The following CHMP4C variants were observed in gnomAD, a reference collection of about 807,000 sequenced individuals.
CHMP4C encodes SNF7 homolog associated with Alix 3.
Under a neutral mutation model 29.0 loss-of-function variants are expected in CHMP4C, and 28 were observed. That is an observed-to-expected ratio of 0.97 (90% CI 0.72 to 1.32). CHMP4C has a LOEUF of 1.32. CHMP4C is among the 40% of genes most tolerant of loss of function. The pLI, the probability that CHMP4C is intolerant of heterozygous loss-of-function variation, is 0.00. For missense variants in CHMP4C, 291 were observed against 281.0 expected (o/e 1.04, Z -0.25); for synonymous variants, 106 against 102.4 (o/e 1.04, Z -0.21).
At chr8:81,754,751 C>T (rs940603965) in intron 2 of CHMP4C, among the ~76,000 whole-genome samples, 3 of 152,140 alleles carry the variant, frequency 2.0e-5, no homozygotes, top group African/African-American at 7.2e-5. Flanking sequence ...AGTGGCTGTC[C>T]ATCCTGAGCA....
chr8:81,753,150 AG>A lies in CHMP4C; in HGVS notation c.278del (p.Arg93LysfsTer14). The A allele has an allele frequency of 6.2e-7, 1 of 1,612,674 alleles. No individual in the cohort carries two copies. Among genetic ancestry groups the A allele is most frequent in the Middle Eastern group, 1.7e-4 (1 of 6,054 alleles). ...DGTLSTIEFQ[R>X]EALENSHTNT... ...CACACTTTCTACCATTGAGTTCCAG[AG>A]AGAAGCCCTGGAGAACTCACACACC... is the stretch of plus-strand genomic sequence containing the variant. On this transcript the variant is annotated frameshift_variant, in exon 2 of 5. Transcript: ENST00000297265. LOFTEE classifies it high-confidence loss of function.
chr8:81,746,684 G>A (rs1238886807), intron 1 of CHMP4C, among the ~76,000 whole-genome samples: 1 of 152,216 alleles, frequency 6.6e-6, no homozygotes, highest in Admixed American at 6.5e-5. Context: ...GAATTACAGT[G>A]TAAGTTGAGA....
chr8:81,743,065 G>A (rs564471520), intron 1 of CHMP4C, among the ~76,000 whole-genome samples: 3 of 151,948 alleles, frequency 2.0e-5, no homozygotes, highest in Admixed American at 6.6e-5. Flanking sequence ...GGGGCTCAAA[G>A]GAATAGTCAT....
At chr8:81,752,917 A>G in intron 1 of CHMP4C, 147 bp from the exon 2 acceptor site, 1 of 528,206 alleles carries the variant, frequency 1.9e-6, no homozygotes, top group Non-Finnish European at 3.2e-6. Context: ...AGAGGACAAT[A>G]TGAGTTGTTT....
intron 1 of CHMP4C, among the ~76,000 whole-genome samples, chr8:81,739,422 G>T (rs1287497905): frequency 7.0e-6 from 1 of 143,358 alleles, no homozygotes; most frequent in African/African-American, 2.6e-5. Flanking sequence ...GGATTGTGGG[G>T]GGGGGTGGAA....
At chr8:81,741,572 T>G (rs1808762628) in intron 1 of CHMP4C, among the ~76,000 whole-genome samples, 1 of 151,750 alleles carries the variant, frequency 6.6e-6, no homozygotes, top group Admixed American at 6.6e-5. Flanking sequence ...AATACTCAGT[T>G]AAAAAAATTA....
intron 3 of CHMP4C, among the ~76,000 whole-genome samples, chr8:81,757,758 A>G (rs1459100472): frequency 1.3e-5 from 2 of 152,140 alleles, no homozygotes; most frequent in Non-Finnish European, 2.9e-5. Flanking sequence ...TTTCAATCGC[A>G]TTAGCCCAAA....
intron 1 of CHMP4C, among the ~76,000 whole-genome samples, chr8:81,744,266 T>C (rs569468588): frequency 6.6e-6 from 1 of 152,316 alleles, no homozygotes; most frequent in East Asian, 1.9e-4. Flanking sequence ...GGCTTATAGT[T>C]CCCAATTTCT....
chr8:81,739,262 AT>A (rs557268287), intron 1 of CHMP4C, among the ~76,000 whole-genome samples: 23 of 147,446 alleles, frequency 1.6e-4, no homozygotes, highest in Middle Eastern at 3.4e-3. Flanking sequence ...AAGCCCAGCT[AT>A]TTTTTTTTTA....
At position 81,758,741 on chromosome 8, in the gene CHMP4C, A is replaced by C. The variant is rs113552911; in HGVS notation, c.*197A>C. On this transcript the variant is annotated 3_prime_UTR_variant, in exon 5 of 5. Coordinates refer to ENST00000297265, the MANE Select transcript of CHMP4C (RefSeq NM_152284.4). Reference sequence around the variant, plus strand: ...ATCAGTGATGGAGGCCAGGCACGGTATCTCATGCCTATAATCCCAGCACTT... The same window carrying C: ...ATCAGTGATGGAGGCCAGGCACGGTCTCTCATGCCTATAATCCCAGCACTT... The C allele has an allele frequency of 1.8e-6, 1 of 560,192 alleles. No homozygotes were observed. Among genetic ancestry groups the C allele is most frequent in the Non-Finnish European group, 3.1e-6 (1 of 318,052 alleles). 34.7% of individuals were successfully genotyped at this position (560,192 alleles called of 1,614,324 possible). A position where few individuals can be genotyped will look rare whatever the true frequency, so the allele number is the denominator to read the frequency against.
intron 3 of CHMP4C, among the ~76,000 whole-genome samples, chr8:81,757,001 G>C (rs779393408): frequency 6.6e-6 from 1 of 152,096 alleles, no homozygotes. Flanking sequence ...GAATTTAATA[G>C]AGGTCAGACA....
chr8:81,748,705 G>A (rs1019605081), intron 1 of CHMP4C, among the ~76,000 whole-genome samples: 1 of 151,962 alleles, frequency 6.6e-6, no homozygotes, highest in Non-Finnish European at 1.5e-5. Flanking sequence ...CGAGGCAGGC[G>A]ATCACGAGGT....
rs771626812 is a variant in CHMP4C, at chr8:81,755,500, T to A, written c.483+16T>A. On this transcript the variant is annotated intron_variant, in intron 3 of 4. Coordinates refer to ENST00000297265, the MANE Select transcript of CHMP4C (RefSeq NM_152284.4). Reference sequence around the variant, plus strand: ...CTTTGATGAGGTACGTAACCCAATATGAAGAATGCAGGATTGTGGCTGCTA... The same window carrying A: ...CTTTGATGAGGTACGTAACCCAATAAGAAGAATGCAGGATTGTGGCTGCTA... 2 of 1,463,932 alleles carry A rather than the reference T, an allele frequency of 1.4e-6. No individual in the cohort carries two copies. Among genetic ancestry groups the A allele is most frequent in the Non-Finnish European group, 1.9e-6 (2 of 1,044,568 alleles). 90.7% of individuals were successfully genotyped at this position (1,463,932 alleles called of 1,614,324 possible).
chr8:81,739,430 GAA>G (rs554518738), intron 1 of CHMP4C, among the ~76,000 whole-genome samples: 5 of 118,800 alleles, frequency 4.2e-5, no homozygotes, highest in Admixed American at 1.8e-4. Flanking sequence ...GGGGGGGGTG[GAA>G]AAAAAAAAAG....
At chr8:81,735,355 C>T (rs1295489088) in intron 1 of CHMP4C, among the ~76,000 whole-genome samples, 1 of 152,198 alleles carries the variant, frequency 6.6e-6, no homozygotes, top group Non-Finnish European at 1.5e-5. Flanking sequence ...CAATCTTAGG[C>T]TCCTGCGTTG....
At chr8:81,732,978 G>T in intron 1 of CHMP4C, 162 bp downstream of exon 1, 1 of 575,998 alleles carries the variant, frequency 1.7e-6, no homozygotes, top group South Asian at 3.4e-5. Context: ...AGGGTGAGTT[G>T]AGCTAGACAC....
Position 81,753,069 on chromosome 8 carries a change from T to C in CHMP4C, c.196T>C (p.Leu66=), listed in dbSNP as rs536064289. 6.2e-7 allele frequency: 1 copy of C among 1,606,720 alleles called. No homozygotes were observed. The highest frequency in any genetic ancestry group is 1.3e-5 in the African/African-American group (1 of 74,568). ...GTGGCTTCTCTCTTATTTAGCTGCA[T>C]TACAGGCACTAAAGAGAAAGAAGAG... The part of the protein sequence containing the change: ...KHGTQNKRAA[L]QALKRKKRFE... The change falls in exon 2 of 5, where the codon TTA becomes CTA. Residue 66 remains leucine, a synonymous_variant. Transcript: ENST00000297265.
At chr8:81,746,704 T>C (rs561854727) in intron 1 of CHMP4C, among the ~76,000 whole-genome samples, 1 of 152,216 alleles carries the variant, frequency 6.6e-6, no homozygotes, top group Non-Finnish European at 1.5e-5. Flanking sequence ...ATCCCAAATG[T>C]TGGTGAATTT....
Position 81,753,157 on chromosome 8 carries a change from C to A in CHMP4C, c.284C>A (p.Ala95Asp). 6.2e-7 allele frequency: 1 copy of A among 1,612,518 alleles called. No homozygotes were observed. ...TCTACCATTGAGTTCCAGAGAGAAG[C>A]CCTGGAGAACTCACACACCAACACT... is the stretch of plus-strand genomic sequence containing the variant. ...TLSTIEFQRE[A>D]LENSHTNTEV... The change falls in exon 2 of 5, where the codon GCC becomes GAC. Residue 95 changes from alanine to aspartate, a missense_variant. Transcript: ENST00000297265.
Sources: gnomAD v4.1 joint callset for allele counts (sites outside exome capture counted in the v4.1 genomes callset) on GRCh38, gnomAD v4.1.1 for gene constraint, MANE v1.5 for transcripts, NCBI Gene and HGNC (gene_info 2026-07-23, HGNC 2026-07-21) for gene names.